The following SP4 variants were observed in gnomAD, a reference collection of about 807,000 sequenced individuals.
SP4 encodes Sp4 transcription factor, also known as transcription factor Sp4.
In SP4, 19 loss-of-function variants were observed where a neutral mutation model predicts 72.8. The ratio of observed to expected loss-of-function variants is 0.26; its 90% CI spans 0.18 to 0.38. The LOEUF is 0.38. Among genes scored for constraint, SP4 ranks in the 10% least tolerant of loss-of-function variants. SP4 has a pLI of 1.00. For synonymous variants in SP4, 395 were observed against 333.1 expected, an observed-to-expected ratio of 1.19 and a Z score of -2.02; for missense variants, 1,008 against 926.3, an observed-to-expected ratio of 1.09 and a Z score of -1.14.
chr7:21,455,578 T>C (rs978398230), intron 3 of SP4, among the ~76,000 whole-genome samples: 5 of 152,164 alleles, frequency 3.3e-5, no homozygotes, highest in African/African-American at 1.2e-4. Flanking sequence ...CTCTTAACCT[T>C]TGTAGTGTCT....
intron 3 of SP4, among the ~76,000 whole-genome samples, chr7:21,443,625 G>A (rs1783328741): frequency 6.6e-6 from 1 of 152,170 alleles, no homozygotes; most frequent in South Asian, 2.1e-4. Context: ...GTATAGGAAC[G>A]AGATAGTGAT....
chr7:21,433,913 A>G (rs1412672388), intron 3 of SP4, among the ~76,000 whole-genome samples: 1 of 152,142 alleles, frequency 6.6e-6, no homozygotes, highest in Non-Finnish European at 1.5e-5. Context: ...ATTGCACTTC[A>G]GCCTGGGCAA....
chr7:21,505,020 G>C (rs757700837), intron 5 of SP4, among the ~76,000 whole-genome samples: 1 of 152,228 alleles, frequency 6.6e-6, no homozygotes, highest in Non-Finnish European at 1.5e-5. Flanking sequence ...GACCGGGGCT[G>C]TAATGAGGGC....
intron 5 of SP4, among the ~76,000 whole-genome samples, chr7:21,494,906 T>C (rs1785069260): frequency 6.6e-6 from 1 of 152,164 alleles, no homozygotes; most frequent in South Asian, 2.1e-4. Flanking sequence ...CTGTGTAGTT[T>C]TGAAGGACAC....
chr7:21,503,740 A>G (rs1239024510), intron 5 of SP4, among the ~76,000 whole-genome samples: 1 of 152,182 alleles, frequency 6.6e-6, no homozygotes, highest in African/African-American at 2.4e-5. Flanking sequence ...TTTCTGTGAA[A>G]TCTACTTGAA....
intron 3 of SP4, among the ~76,000 whole-genome samples, chr7:21,438,609 T>C (rs1410512501): frequency 6.6e-6 from 1 of 152,244 alleles, no homozygotes; most frequent in Non-Finnish European, 1.5e-5. Flanking sequence ...GTAGTTACGA[T>C]ATGTTATCTC....
chr7:21,454,024 C>T (rs1783679497), intron 3 of SP4, among the ~76,000 whole-genome samples: 1 of 152,206 alleles, frequency 6.6e-6, no homozygotes. Flanking sequence ...ACATGTTTTA[C>T]ATGTAAAACT....
chr7:21,495,021 A>G (rs888857287), intron 5 of SP4, among the ~76,000 whole-genome samples: 14 of 152,162 alleles, frequency 9.2e-5, no homozygotes, highest in Admixed American at 9.2e-4. Flanking sequence ...AATTGTATAG[A>G]AGAATTAGCC....
intron 3 of SP4, among the ~76,000 whole-genome samples, chr7:21,475,419 G>A (rs775237257): frequency 4.6e-5 from 7 of 151,440 alleles, no homozygotes; most frequent in Non-Finnish European, 8.8e-5. Flanking sequence ...TGGCCTGAAA[G>A]AAACCCTTTT....
chr7:21,501,916 G>C (rs966734742), intron 5 of SP4, among the ~76,000 whole-genome samples: 1 of 151,802 alleles, frequency 6.6e-6, no homozygotes, highest in Non-Finnish European at 1.5e-5. Flanking sequence ...GAGTATAATC[G>C]ATGAATCTCT....
chr7:21,477,839 C>G (rs1239433799), intron 4 of SP4, among the ~76,000 whole-genome samples: 1 of 152,124 alleles, frequency 6.6e-6, no homozygotes, highest in East Asian at 1.9e-4. Flanking sequence ...CTCGCCCAGC[C>G]CATTTTTTTT....
chr7:21,440,403 G>A (rs1583382392), intron 3 of SP4, among the ~76,000 whole-genome samples: 1 of 152,188 alleles, frequency 6.6e-6, no homozygotes, highest in South Asian at 2.1e-4. Flanking sequence ...GTAGTAAAGT[G>A]GGGGAATGAG....
chr7:21,430,310 G>C lies in SP4; in HGVS notation c.1145G>C (p.Gly382Ala). The C allele has an allele frequency of 1.2e-6, 2 of 1,614,226 alleles. No homozygotes were observed. Among genetic ancestry groups the C allele is most frequent in the Non-Finnish European group, 1.7e-6 (2 of 1,180,040 alleles). ...AGCTCCAGTCAGCTTCAGCCTAATGGAATGCAGAATGCACAGGATCAATCA... is the reference window on the plus strand; with the variant it reads ...AGCTCCAGTCAGCTTCAGCCTAATGCAATGCAGAATGCACAGGATCAATCA... ...AQSSSQLQPN[G>A]MQNAQDQSNS... Residue 382 changes from glycine (G) to alanine (A), a missense_variant, in exon 3 of 6, where the codon GGA becomes GCA. By Grantham distance (60) the Gly-to-Ala change is moderately conservative (BLOSUM62 0). Around this residue, in one of 3 missense-constraint regions of SP4, gnomAD observed 893 missense variants for 743.3 expected, o/e 1.20. Coordinates refer to ENST00000222584, the MANE Select transcript of SP4 (RefSeq NM_003112.5).
Position 21,429,606 on chromosome 7 carries a change from C to T in SP4, c.441C>T (p.Thr147=), listed in dbSNP as rs1188389439. 2 of 1,614,090 alleles carry T rather than the reference C, an allele frequency of 1.2e-6. No homozygotes were observed. The highest frequency in any genetic ancestry group is 2.2e-5 in the East Asian group (1 of 44,888). The change falls in exon 3 of 6, where the codon ACC becomes ACT. Residue 147 remains threonine, a synonymous_variant. Transcript: ENST00000222584. ...PTKTKSGNSS[T]PGQFQVIQVQ... Reference sequence around the variant, plus strand: ...AAACTAAATCAGGTAATTCTTCCACCCCTGGTCAATTTCAAGTCATACAAG... The same window carrying T: ...AAACTAAATCAGGTAATTCTTCCACTCCTGGTCAATTTCAAGTCATACAAG...
At position 21,430,340 on chromosome 7, in the gene SP4, C is replaced by A. The variant is rs1782798570; in HGVS notation, c.1175C>A (p.Ser392Tyr). The A allele has an allele frequency of 1.2e-6, 2 of 1,614,216 alleles. No homozygotes were observed. Among genetic ancestry groups the A allele is most frequent in the Non-Finnish European group, 1.7e-6 (2 of 1,180,046 alleles). Reference protein sequence around the residue: ...GMQNAQDQSNSLQQVQIVGQP... With the variant: ...GMQNAQDQSNYLQQVQIVGQP... The stretch of plus-strand genomic sequence containing the variant: ...CAGAATGCACAGGATCAATCAAATT[C>A]TCTTCAGCAGGTGCAAATTGTAGGC... The change falls in exon 3 of 6, where the codon TCT becomes TAT. Residue 392 changes from serine to tyrosine, a missense_variant. By Grantham distance (144) the Ser-to-Tyr change is moderately radical. Around this residue, in one of 3 missense-constraint regions of SP4, gnomAD observed 893 missense variants for 743.3 expected, o/e 1.20. Transcript: ENST00000222584.
intron 3 of SP4, among the ~76,000 whole-genome samples, chr7:21,476,273 CAAAAAAAAAAA>C (rs753166936): frequency 4.0e-5 from 2 of 49,656 alleles, no homozygotes; most frequent in Non-Finnish European, 7.4e-5. Context: ...GACTCCATCT[CAAAAAAAAAAA>C]AAAAAAAAAA....
At chr7:21,457,552 G>A (rs1373345027) in intron 3 of SP4, among the ~76,000 whole-genome samples, 5 of 152,106 alleles carry the variant, frequency 3.3e-5, no homozygotes, top group African/African-American at 1.2e-4. Context: ...CTAGAAATAA[G>A]AACAATTGCA....
Position 21,430,504 on chromosome 7 carries a change from C to G in SP4, c.1339C>G (p.Gln447Glu). The G allele has an allele frequency of 8.7e-6, 14 of 1,614,168 alleles. No homozygotes were observed. Among genetic ancestry groups the G allele is most frequent in the Non-Finnish European group, 1.2e-5 (14 of 1,180,018 alleles). Reference sequence around the variant, plus strand: ...GCAGCCTTTACAGAATGTTCAACTTCAAGCAGTAAATCCGACTCAGGTGCT... The same window carrying G: ...GCAGCCTTTACAGAATGTTCAACTTGAAGCAGTAAATCCGACTCAGGTGCT... ...QQQPLQNVQL[Q>E]AVNPTQVLIR... is the part of the protein sequence containing the mutation. Residue 447 changes from glutamine to glutamate, a missense_variant, in exon 3 of 6, where the codon CAA becomes GAA. Gln to Glu is a conservative substitution (Grantham distance 29). This residue lies in a region of SP4 where 893 missense variants were observed against 743.3 expected (regional missense o/e 1.20). Transcript: ENST00000222584.
chr7:21,482,719 A>G (rs531019718), intron 5 of SP4: 2 of 975,538 alleles, frequency 2.1e-6, no homozygotes, highest in East Asian at 2.3e-4. Flanking sequence ...ATACTCTGAC[A>G]TATATGATTA....
Sources: allele counts gnomAD v4.1 joint callset (sites outside exome capture counted in the v4.1 genomes callset), GRCh38; gene constraint gnomAD v4.1.1; regional missense constraint gnomAD v4.1.1; transcripts MANE v1.5; gene names NCBI Gene and HGNC (gene_info 2026-07-23, HGNC 2026-07-21).